The following CBX5 variants were observed in gnomAD, a reference collection of about 807,000 sequenced individuals.
CBX5 encodes chromobox protein homolog 5.
Under a neutral mutation model 20.7 loss-of-function variants are expected in CBX5, and 7 were observed. The observed-to-expected ratio is 0.34, with a 90% CI of 0.19 to 0.63. The LOEUF (loss-of-function observed/expected upper bound fraction) is 0.63, where lower values mean the gene tolerates loss of function less well. Among genes scored for constraint, CBX5 ranks in the 30% least tolerant of loss-of-function variants. CBX5 has a pLI of 0.75. For missense variants in CBX5, 110 were observed against 224.1 expected (o/e 0.49, Z 3.25); for synonymous variants, 78 against 77.0 (o/e 1.01, Z -0.07).
At chr12:54,274,440 A>T (rs1944040714) in intron 1 of CBX5, 1 of 152,216 alleles carries the variant, frequency 6.6e-6, no homozygotes, top group South Asian at 2.1e-4. Flanking sequence ...CAGCCATACT[A>T]AGTCAAGTGG....
intron 3 of CBX5, among the ~76,000 whole-genome samples, chr12:54,251,516 CAAAAA>C (rs55662273): frequency 1.5e-5 from 1 of 68,096 alleles, no homozygotes; most frequent in Admixed American, 1.8e-4. Flanking sequence ...GACTCTGTCT[CAAAAA>C]AAAAAAAAAA....
chr12:54,271,383 T>C (rs985404563), intron 1 of CBX5, among the ~76,000 whole-genome samples: 1 of 152,246 alleles, frequency 6.6e-6, no homozygotes, highest in African/African-American at 2.4e-5. Context: ...TGGAGTGCAG[T>C]GGCGCGATCT....
At chr12:54,270,010 T>C (rs965860608) in intron 1 of CBX5, among the ~76,000 whole-genome samples, 5 of 152,222 alleles carry the variant, frequency 3.3e-5, no homozygotes, top group Admixed American at 2.6e-4. Flanking sequence ...ATAGTGATAT[T>C]CCTTAGTTCC....
At chr12:54,244,258 C>T (rs7303812) in intron 4 of CBX5, among the ~76,000 whole-genome samples, 23,852 of 150,660 alleles carry the variant, frequency 0.16, 2,339 homozygotes, top group East Asian at 0.33. Context: ...CCCGTCTCGG[C>T]GTCTCGGCCT....
In CBX5 at chr12:54,243,332, T is replaced by C. The variant is rs368252728; in HGVS notation, c.426-1427A>G. On this transcript the variant is annotated intron_variant, in intron 4 of 4. Coordinates refer to ENST00000209875, the MANE Select transcript of CBX5 (RefSeq NM_012117.3). The stretch of plus-strand genomic sequence containing the variant: ...GCCTCATACCTATAATCCCAGCACT[T>C]TGGGAGGCCGAGGTGAGAAAAGCAC... 2.2e-3 allele frequency among the ~76,000 whole-genome samples: 337 copies of C among 152,230 alleles called. 4 individuals carry two copies. Among genetic ancestry groups the C allele is most frequent in the African/African-American group, 8.0e-3 (332 of 41,532 alleles).
At chr12:54,272,509 TAC>T (rs1490668672) in intron 1 of CBX5, 2 of 152,238 alleles carry the variant, frequency 1.3e-5, no homozygotes, top group Admixed American at 6.5e-5. Context: ...AAATTCAGGC[TAC>T]ACAGTCTATA....
chr12:54,248,812 A>C (rs979446522), intron 3 of CBX5, among the ~76,000 whole-genome samples: 1 of 152,184 alleles, frequency 6.6e-6, no homozygotes, highest in Non-Finnish European at 1.5e-5. Context: ...ATGCAAACTA[A>C]CAAATTTCTT....
intron 4 of CBX5, among the ~76,000 whole-genome samples, chr12:54,243,213 T>C (rs1943696621): frequency 6.6e-6 from 1 of 152,198 alleles, no homozygotes; most frequent in Non-Finnish European, 1.5e-5. Flanking sequence ...TACTCAAATT[T>C]GGACTATGGT....
intron 1 of CBX5, among the ~76,000 whole-genome samples, chr12:54,268,146 A>G (rs1226954453): frequency 1.3e-5 from 2 of 152,184 alleles, no homozygotes; most frequent in Admixed American, 6.5e-5. Flanking sequence ...TTCATCTCAA[A>G]CAAACAACAA....
intron 2 of CBX5, among the ~76,000 whole-genome samples, chr12:54,255,408 A>C (rs531055000): frequency 1.3e-5 from 2 of 152,054 alleles, no homozygotes; most frequent in South Asian, 2.1e-4. Flanking sequence ...AAATACAAAA[A>C]GTTAGCTGGG....
intron 3 of CBX5, among the ~76,000 whole-genome samples, chr12:54,247,081 A>T (rs1023177865): frequency 6.6e-6 from 1 of 152,158 alleles, no homozygotes; most frequent in Non-Finnish European, 1.5e-5. Context: ...GAATTATGTA[A>T]GGCCAATACT....
rs988742769 is a variant in CBX5, at chr12:54,240,389, A to G, written c.*1366T>C. 1.3e-5 allele frequency: 2 copies of G among 152,040 alleles called. No individual in the cohort carries two copies. Among genetic ancestry groups the G allele is most frequent in the Non-Finnish European group, 2.9e-5 (2 of 68,008 alleles). 9.4% of individuals were successfully genotyped at this position (152,040 alleles called of 1,614,324 possible). ...GACAGTCTTTCAGGAACATGCCTTT[A>G]TTTTTATTTATATTTTTTAGAGACA... On this transcript the variant is annotated 3_prime_UTR_variant, in exon 5 of 5. Coordinates refer to ENST00000209875, the MANE Select transcript of CBX5 (RefSeq NM_012117.3).
At position 54,233,091 on chromosome 12, in the gene CBX5, A is replaced by C. The variant is rs1426304672; in HGVS notation, c.*8664T>G. The C allele has an allele frequency of 1.3e-5, 2 of 152,180 alleles. No homozygotes were observed. The highest frequency in any genetic ancestry group is 1.3e-4 in the Admixed American group (2 of 15,274). The allele number at this position is 152,180 out of a possible 1,614,324, so 9.4% of individuals were successfully genotyped here. ...AATACCCAGAGGGCTGCATTTTTCC[A>C]ACCTTTCTGCCTCAGCTCAACTTCA... On this transcript the variant is annotated 3_prime_UTR_variant, in exon 5 of 5. Transcript: ENST00000209875.
intron 2 of CBX5, among the ~76,000 whole-genome samples, chr12:54,253,323 G>A (rs910525506): frequency 5.3e-5 from 8 of 152,096 alleles, no homozygotes; most frequent in Non-Finnish European, 7.4e-5. Flanking sequence ...GCTAGGGCAT[G>A]AGAACTGCTT....
At chr12:54,275,441 C>T (rs2137033424) in intron 1 of CBX5, among the ~76,000 whole-genome samples, 1 of 151,990 alleles carries the variant, frequency 6.6e-6, no homozygotes, top group African/African-American at 2.4e-5. Context: ...TGGGGTTTCA[C>T]CGTGTTAGCC....
intron 4 of CBX5, 33 bp downstream of exon 4, chr12:54,246,082 C>T (rs914084989): frequency 2.1e-6 from 3 of 1,442,190 alleles, no homozygotes; most frequent in African/African-American, 2.8e-5. Flanking sequence ...GGCAAAGAAA[C>T]ACAATTGTAA....
chr12:54,241,073 G>C lies in CBX5; in HGVS notation c.*682C>G, dbSNP rs182919989. On this transcript the variant is annotated 3_prime_UTR_variant, in exon 5 of 5. Coordinates refer to ENST00000209875, the MANE Select transcript of CBX5 (RefSeq NM_012117.3). ...AGTGGGGAGTGCTAAAAGCAATACC[G>C]AAAGTCCTGGGGCTAAAAAGAGTGT... 1.3e-5 allele frequency: 2 copies of C among 152,216 alleles called. No homozygotes were observed. Among genetic ancestry groups the C allele is most frequent in the Admixed American group, 1.3e-4 (2 of 15,282 alleles). The allele number at this position is 152,216 out of a possible 1,614,324, so 9.4% of individuals were successfully genotyped here. A position where few individuals can be genotyped will look rare whatever the true frequency, so the allele number is the denominator to read the frequency against.
chr12:54,234,737 CT>C lies in CBX5; in HGVS notation c.*7017del, dbSNP rs1480623304. On this transcript the variant is annotated 3_prime_UTR_variant, in exon 5 of 5. Coordinates refer to ENST00000209875, the MANE Select transcript of CBX5 (RefSeq NM_012117.3). The stretch of plus-strand genomic sequence containing the variant: ...TGCCTTGTTTTAACTCCTTCTCTTA[CT>C]GACCTCAGAAACAAATAGCATTGGA... The C allele has an allele frequency of 6.6e-6, 1 of 152,248 alleles. No individual in the cohort carries two copies. Among genetic ancestry groups the C allele is most frequent in the Non-Finnish European group, 1.5e-5 (1 of 68,050 alleles). 9.4% of individuals were successfully genotyped at this position (152,248 alleles called of 1,614,324 possible).
rs1299470752 is a variant in CBX5 at position 54,240,140 on chromosome 12, A to G, written c.*1615T>C. 1 of 152,216 alleles carries G rather than the reference A, an allele frequency of 6.6e-6. No homozygotes were observed. Among genetic ancestry groups the G allele is most frequent in the Non-Finnish European group, 1.5e-5 (1 of 68,040 alleles). The allele number at this position is 152,216 out of a possible 1,614,324, so 9.4% of individuals were successfully genotyped here. A position where few individuals can be genotyped will look rare whatever the true frequency, so the allele number is the denominator to read the frequency against. ...TTTGGGGCTGGGACAAGGATCCTCAAAACCCTGCTATTTCCTTACTTTTAA... is the reference window on the plus strand; with the variant it reads ...TTTGGGGCTGGGACAAGGATCCTCAGAACCCTGCTATTTCCTTACTTTTAA... On this transcript the variant is annotated 3_prime_UTR_variant, in exon 5 of 5. Coordinates refer to ENST00000209875, the MANE Select transcript of CBX5 (RefSeq NM_012117.3).
Sources: gnomAD v4.1 joint callset for allele counts (sites outside exome capture counted in the v4.1 genomes callset) on GRCh38, gnomAD v4.1.1 for gene constraint, MANE v1.5 for transcripts, NCBI Gene and HGNC (gene_info 2026-07-23, HGNC 2026-07-21) for gene names.